The following DLG2 variants were observed in gnomAD, a reference collection of about 807,000 sequenced individuals.
The protein encoded by DLG2 is disks large homolog 2.
In DLG2, 45 loss-of-function variants were observed where a neutral mutation model predicts 132.5. That is an observed-to-expected ratio of 0.34 (90% CI 0.27 to 0.44). The LOEUF (loss-of-function observed/expected upper bound fraction) is 0.44, where lower values mean the gene tolerates loss of function less well. DLG2 is among the 20% of genes least tolerant of loss of function. The pLI is 1.00. For synonymous variants in DLG2, 424 were observed against 419.6 expected (o/e 1.01, Z -0.13); for missense variants, 1,045 against 1,196.9 (o/e 0.87, Z 1.87).
intron 9 of DLG2, among the ~76,000 whole-genome samples, chr11:84,116,397 G>A (rs75913484): frequency 0.019 from 2,823 of 152,260 alleles, 72 homozygotes; most frequent in African/African-American, 0.063. Context: ...ATCTGAGACT[G>A]GGTAATTTAT....
chr11:84,276,774 G>T (rs1404326553), intron 7 of DLG2, among the ~76,000 whole-genome samples: 1 of 152,180 alleles, frequency 6.6e-6, no homozygotes, highest in Non-Finnish European at 1.5e-5. Context: ...ACCATACGTT[G>T]AGTGCTTTCT....
chr11:83,593,679 A>T (rs887049146), intron 19 of DLG2, among the ~76,000 whole-genome samples: 1 of 151,696 alleles, frequency 6.6e-6, no homozygotes, highest in Non-Finnish European at 1.5e-5. Context: ...AAAAGAAAAA[A>T]AAAGAATTTA....
At chr11:84,403,017 T>C (rs2098836126) in intron 7 of DLG2, among the ~76,000 whole-genome samples, 1 of 151,444 alleles carries the variant, frequency 6.6e-6, no homozygotes, top group African/African-American at 2.4e-5. Flanking sequence ...TCTCTCTGGC[T>C]AGAGGATGGA....
At chr11:84,839,751 A>G (rs2080351791) in intron 6 of DLG2, among the ~76,000 whole-genome samples, 2 of 152,170 alleles carry the variant, frequency 1.3e-5, no homozygotes, top group African/African-American at 2.4e-5. Context: ...AGGATTCCCT[A>G]TTTAATAAAT....
chr11:84,049,757 G>C (rs1290920748), intron 11 of DLG2, among the ~76,000 whole-genome samples: 2 of 151,700 alleles, frequency 1.3e-5, no homozygotes, highest in African/African-American at 4.8e-5. Flanking sequence ...GGGTTACTTG[G>C]CCTGATAATA....
chr11:83,880,322 T>C (rs575154377), intron 15 of DLG2, among the ~76,000 whole-genome samples: 38 of 152,258 alleles, frequency 2.5e-4, no homozygotes, highest in African/African-American at 8.2e-4. Flanking sequence ...TAGTAAACCA[T>C]CAGGGTGAAG....
intron 7 of DLG2, among the ~76,000 whole-genome samples, chr11:84,454,837 G>A (rs2099061125): frequency 6.6e-6 from 1 of 151,412 alleles, no homozygotes; most frequent in Non-Finnish European, 1.5e-5. Context: ...GATAGGATGA[G>A]AGAAGGAAGG....
intron 7 of DLG2, among the ~76,000 whole-genome samples, chr11:84,265,324 G>GA (rs1192060285): frequency 6.7e-6 from 1 of 150,228 alleles, no homozygotes; most frequent in Non-Finnish European, 1.5e-5. Context: ...CAATTCACAT[G>GA]ATTTTGTTAG....
In DLG2 at chr11:84,204,096, T is replaced by C. The variant is rs376752754; in HGVS notation, c.574-40585A>G. ...CCTCAGCCTCCCGAATAGCTGGGAT[T>C]ACAGGTGCCCACCACCATGCCCGGC... is the stretch of plus-strand genomic sequence containing the variant. On this transcript the variant is annotated intron_variant, in intron 8 of 27. Coordinates refer to ENST00000376104, the MANE Select transcript of DLG2 (RefSeq NM_001142699.3). 1.8e-4 allele frequency among the ~76,000 whole-genome samples: 27 copies of C among 152,256 alleles called. No individual in the cohort carries two copies. The East Asian group carries it at 4.5e-3, about 25-fold the overall frequency.
intron 7 of DLG2, among the ~76,000 whole-genome samples, chr11:84,476,355 A>AT (rs1183383614): frequency 6.6e-6 from 1 of 152,102 alleles, no homozygotes; most frequent in African/African-American, 2.4e-5. Context: ...AATAGACTGC[A>AT]TTTTTTCAAA....
At chr11:83,623,179 CT>C (rs966724525) in intron 19 of DLG2, among the ~76,000 whole-genome samples, 15 of 151,026 alleles carry the variant, frequency 9.9e-5, no homozygotes, top group South Asian at 2.1e-4. Context: ...CCTTCTTTAT[CT>C]TTTTTTTTCT....
At chr11:84,666,952 G>T (rs1170243326) in intron 6 of DLG2, among the ~76,000 whole-genome samples, 2 of 152,068 alleles carry the variant, frequency 1.3e-5, no homozygotes, top group African/African-American at 4.8e-5. Context: ...TCATGGTAGA[G>T]AAAATTTATG....
chr11:85,614,289 A>G (rs1278530676), intron 2 of DLG2, among the ~76,000 whole-genome samples: 10 of 152,158 alleles, frequency 6.6e-5, no homozygotes, highest in African/African-American at 1.9e-4. Context: ...AGTAATGAAT[A>G]GCAACAGAAA....
intron 6 of DLG2, among the ~76,000 whole-genome samples, chr11:85,073,219 T>C (rs186682617): frequency 1.3e-5 from 2 of 151,908 alleles, no homozygotes; most frequent in Admixed American, 6.6e-5. Context: ...CTGTTTGAGG[T>C]CAGAGCCTTA....
chr11:84,048,313 T>C (rs757138748), intron 11 of DLG2, among the ~76,000 whole-genome samples: 2 of 151,654 alleles, frequency 1.3e-5, no homozygotes, highest in Non-Finnish European at 3.0e-5. Context: ...GGTTGCACTA[T>C]ATATATACTC....
intron 6 of DLG2, among the ~76,000 whole-genome samples, chr11:85,026,761 G>T (rs1436701220): frequency 6.6e-6 from 1 of 151,916 alleles, no homozygotes; most frequent in Non-Finnish European, 1.5e-5. Context: ...GGCGTGAACT[G>T]GGGAGGCAGA....
chr11:84,459,265 G>A (rs2099073837), intron 7 of DLG2, among the ~76,000 whole-genome samples: 1 of 150,604 alleles, frequency 6.6e-6, no homozygotes, highest in African/African-American at 2.4e-5. Flanking sequence ...TGGTCTGTCA[G>A]CCAGTTCTTG....
At chr11:84,626,755 A>G (rs924499266) in intron 6 of DLG2, among the ~76,000 whole-genome samples, 1 of 152,184 alleles carries the variant, frequency 6.6e-6, no homozygotes, top group Non-Finnish European at 1.5e-5. Flanking sequence ...CTACGGCCCA[A>G]GGTTTTCTAA....
chr11:83,483,543 A>T (rs541793873), intron 22 of DLG2, among the ~76,000 whole-genome samples: 4 of 152,292 alleles, frequency 2.6e-5, no homozygotes, highest in Admixed American at 2.6e-4. Context: ...AGAAAAAAAA[A>T]TTCAGCAAAT....
Sources: gnomAD v4.1 joint callset for allele counts (sites outside exome capture counted in the v4.1 genomes callset) on GRCh38, gnomAD v4.1.1 for gene constraint, MANE v1.5 for transcripts, NCBI Gene and HGNC (gene_info 2026-07-23, HGNC 2026-07-21) for gene names.